DGKB: variants seen among roughly 807,000 people sequenced by gnomAD.
DGKB encodes diacylglycerol kinase beta.
A neutral mutation model predicts 114.3 loss-of-function variants in DGKB; 67 were observed. The ratio of observed to expected loss-of-function variants is 0.59; its 90% CI spans 0.48 to 0.72. The LOEUF (loss-of-function observed/expected upper bound fraction) is 0.72. DGKB is among the 30% of genes least tolerant of loss of function. DGKB has a pLI of 0.00. For synonymous variants in DGKB, 398 were observed against 323.1 expected (o/e 1.23, Z -2.49); for missense variants, 907 against 975.2 (o/e 0.93, Z 0.93).
intron 23 of DGKB, among the ~76,000 whole-genome samples, chr7:14,292,676 G>A (rs1226226421): frequency 6.6e-6 from 1 of 152,066 alleles, no homozygotes; most frequent in Non-Finnish European, 1.5e-5. Flanking sequence ...CTTACTTATG[G>A]ATGAATTGTG....
chr7:14,673,216 T>C (rs1040021940), intron 12 of DGKB, among the ~76,000 whole-genome samples, 189 bp from the exon 13 acceptor site: 1 of 152,018 alleles, frequency 6.6e-6, no homozygotes, highest in Non-Finnish European at 1.5e-5. Flanking sequence ...AAATAAACCA[T>C]CTAGCAGCTT....
At chr7:14,582,902 A>G (rs961311393) in intron 18 of DGKB, 150 bp downstream of exon 18, 4 of 650,428 alleles carry the variant, frequency 6.1e-6, no homozygotes, top group African/African-American at 1.9e-5. Context: ...TGAACTACAG[A>G]ATAATAAGTT....
intron 1 of DGKB, among the ~76,000 whole-genome samples, chr7:14,930,863 A>ATTTTGAGGGATG (rs1179916888): frequency 6.6e-6 from 1 of 151,958 alleles, no homozygotes. Context: ...GACGTTCTGT[A>ATTTTGAGGGATG]TTTTGAGGGA....
At chr7:14,679,015 G>GGAA (rs1443238546) in intron 12 of DGKB, among the ~76,000 whole-genome samples, 1 of 151,872 alleles carries the variant, frequency 6.6e-6, no homozygotes, top group Non-Finnish European at 1.5e-5. Context: ...ACAGTCTTTG[G>GGAA]GAATAAAAAT....
intron 13 of DGKB, among the ~76,000 whole-genome samples, chr7:14,666,020 T>C (rs954248134): frequency 6.6e-6 from 1 of 151,928 alleles, no homozygotes; most frequent in East Asian, 1.9e-4. Context: ...ATGAATAGAA[T>C]AGTGATAAAG....
intron 1 of DGKB, among the ~76,000 whole-genome samples, chr7:14,968,433 T>G (rs967898336): frequency 5.3e-5 from 8 of 152,150 alleles, no homozygotes. Flanking sequence ...GGAATCAAAA[T>G]TGTAAGATTT....
In DGKB at chr7:14,932,119, T is replaced by C. The variant is rs1466863997; in HGVS notation, c.-188+42577A>G. On this transcript the variant is annotated intron_variant, in intron 1 of 4. Coordinates refer to the DGKB transcript ENST00000437998. ...TCCCAGCTGCTACCCAAGTTAGGCT[T>C]ATAGCTTGGGAGGGTCAAGGTGCTC... 1.3e-5 allele frequency among the ~76,000 whole-genome samples: 2 copies of C among 152,152 alleles called. 1 individual carries two copies. The highest frequency in any genetic ancestry group is 2.9e-5 in the Non-Finnish European group (2 of 68,036).
intron 20 of DGKB, among the ~76,000 whole-genome samples, chr7:14,534,406 A>T (rs1212112432): frequency 1.3e-5 from 2 of 152,108 alleles, no homozygotes; most frequent in Non-Finnish European, 2.9e-5. Flanking sequence ...TAACTACAAA[A>T]CAGACAAAAA....
At chr7:14,509,984 G>A (rs1408587849) in intron 20 of DGKB, among the ~76,000 whole-genome samples, 1 of 152,106 alleles carries the variant, frequency 6.6e-6, no homozygotes, top group Admixed American at 6.5e-5. Context: ...GACCATCCTG[G>A]CTGACACGGT....
chr7:14,475,008 G>A (rs953858963), intron 21 of DGKB, among the ~76,000 whole-genome samples: 11 of 151,890 alleles, frequency 7.2e-5, no homozygotes, highest in Middle Eastern at 3.4e-3. Context: ...CTTAAGCAAC[G>A]GAAAAATCAT....
chr7:14,216,598 T>G (rs574936327), intron 23 of DGKB, among the ~76,000 whole-genome samples: 1 of 151,624 alleles, frequency 6.6e-6, no homozygotes, highest in African/African-American at 2.4e-5. Flanking sequence ...TAGTGGTGGG[T>G]GCCTGTAATC....
At chr7:14,957,506 T>A (rs556051773) in intron 1 of DGKB, among the ~76,000 whole-genome samples, 179 of 152,138 alleles carry the variant, frequency 1.2e-3, no homozygotes, top group African/African-American at 4.0e-3. Flanking sequence ...GAAGAAAGAC[T>A]ACAGAAGTGT....
chr7:14,812,873 A>C (rs1265599491), intron 2 of DGKB, among the ~76,000 whole-genome samples: 2 of 152,162 alleles, frequency 1.3e-5, no homozygotes, highest in Non-Finnish European at 2.9e-5. Context: ...ATTTTGCAGC[A>C]TCAGTTAAGT....
intron 17 of DGKB, among the ~76,000 whole-genome samples, chr7:14,584,635 T>A (rs1282885419): frequency 1.3e-5 from 2 of 152,068 alleles, no homozygotes; most frequent in South Asian, 4.1e-4. Flanking sequence ...CCTTTCTTTC[T>A]ATTGAATTGC....
chr7:14,741,038 T>G (rs1832513356), intron 4 of DGKB, among the ~76,000 whole-genome samples: 1 of 152,166 alleles, frequency 6.6e-6, no homozygotes, highest in Admixed American at 6.5e-5. Flanking sequence ...CATTCTGAGC[T>G]GGGGGGCTCC....
rs192626095 is a variant in DGKB at position 14,440,846 on chromosome 7, T to G, written c.1835+37315A>C. Among the ~76,000 whole-genome samples the G allele has an allele frequency of 3.3e-5, 5 of 152,298 alleles. No homozygotes were observed. The East Asian group carries it at 9.7e-4, about 29-fold the overall frequency. On this transcript the variant is annotated intron_variant, in intron 21 of 25. Coordinates refer to ENST00000402815, the MANE Select transcript of DGKB (RefSeq NM_001350709.2). Reference sequence around the variant, plus strand: ...AATGTATATACAAATGGGCATTGTTTAACATTTGCTTTTGCTACCTGATTC... The same window carrying G: ...AATGTATATACAAATGGGCATTGTTGAACATTTGCTTTTGCTACCTGATTC...
chr7:14,374,737 T>C (rs1218567432), intron 21 of DGKB, among the ~76,000 whole-genome samples: 1 of 152,212 alleles, frequency 6.6e-6, no homozygotes, highest in East Asian at 1.9e-4. Flanking sequence ...CAATACTATT[T>C]ACATTGATTG....
chr7:14,640,415 T>C (rs1811542128), intron 13 of DGKB, among the ~76,000 whole-genome samples: 1 of 151,978 alleles, frequency 6.6e-6, no homozygotes, highest in Non-Finnish European at 1.5e-5. Flanking sequence ...AAAATGAGAG[T>C]AATGTAATGA....
At chr7:14,744,503 T>C (rs1053202391) in intron 4 of DGKB, among the ~76,000 whole-genome samples, 10 of 152,148 alleles carry the variant, frequency 6.6e-5, no homozygotes, top group African/African-American at 2.2e-4. Flanking sequence ...AACTCTATAT[T>C]CTAGGAACCT....
Sources: allele counts gnomAD v4.1 joint callset (sites outside exome capture counted in the v4.1 genomes callset), GRCh38; gene constraint gnomAD v4.1.1; transcripts MANE v1.5; gene names NCBI Gene and HGNC (gene_info 2026-07-23, HGNC 2026-07-21).